PCDHGA12: variants seen among roughly 807,000 people sequenced by gnomAD.
The protein encoded by PCDHGA12 is protocadherin gamma-A12.
PCDHGA12 carries 43 observed loss-of-function variants against 61.1 expected under a neutral mutation model. That is an observed-to-expected ratio of 0.70 (90% CI 0.55 to 0.91). The LOEUF is 0.91. Ranked by LOEUF, PCDHGA12 falls within the 40% of genes least tolerant of loss-of-function variation. PCDHGA12 has a pLI of 0.00. For missense variants in PCDHGA12, 1,236 were observed against 1,227.7 expected (o/e 1.01, Z -0.10); for synonymous variants, 520 against 542.9 (o/e 0.96, Z 0.59).
chr5:141,438,651 CAT>C (rs2098045358), intron 1 of PCDHGA12, among the ~76,000 whole-genome samples: 1 of 83,744 alleles, frequency 1.2e-5, no homozygotes, highest in East Asian at 3.2e-4. Context: ...CACACACACA[CAT>C]ATATGTATAT....
intron 2 of PCDHGA12, among the ~76,000 whole-genome samples, chr5:141,497,962 G>A (rs2099780751): frequency 6.6e-6 from 1 of 152,236 alleles, no homozygotes; most frequent in African/African-American, 2.4e-5. Context: ...TGGCCAGGCA[G>A]TGTTCTCGAT....
chr5:141,439,636 G>A (rs114401133), intron 1 of PCDHGA12, among the ~76,000 whole-genome samples: 27 of 152,206 alleles, frequency 1.8e-4, no homozygotes, highest in Non-Finnish European at 2.9e-4. Context: ...CAGACATTCC[G>A]GCTTGGTGGC....
At position 141,490,807 on chromosome 5, in the gene PCDHGA12, G is replaced by T. The variant is rs1315856354; in HGVS notation, c.2425-4000G>T. Reference sequence around the variant, plus strand: ...ACGGATCTTTGCCCAGCGTACCTTTGACTATGAATTGCTGCAGATGCTGCA... The same window carrying T: ...ACGGATCTTTGCCCAGCGTACCTTTTACTATGAATTGCTGCAGATGCTGCA... On this transcript the variant is annotated intron_variant, in intron 1 of 3. Transcript: ENST00000252085. This position sits in a 1 kb window ranked among gnomAD's most constrained non-coding sequence, Gnocchi z 5.4. 6.2e-7 allele frequency: 1 copy of T among 1,613,924 alleles called. No individual in the cohort carries two copies. The highest frequency in any genetic ancestry group is 8.5e-7 in the Non-Finnish European group (1 of 1,179,870).
At chr5:141,465,742 A>G (rs1425097489) in intron 1 of PCDHGA12, among the ~76,000 whole-genome samples, 1 of 151,214 alleles carries the variant, frequency 6.6e-6, no homozygotes, top group Non-Finnish European at 1.5e-5. Flanking sequence ...TGTTTTCAGG[A>G]TCAGACTGGT....
intron 1 of PCDHGA12, among the ~76,000 whole-genome samples, chr5:141,438,340 G>A (rs1348587719): frequency 6.6e-6 from 1 of 151,522 alleles, no homozygotes; most frequent in Non-Finnish European, 1.5e-5. Flanking sequence ...TGTCATATAA[G>A]GATCTACTCT....
Position 141,489,653 on chromosome 5 carries a change from G to A in PCDHGA12, c.2425-5154G>A, listed in dbSNP as rs752269910. 2.0e-5 allele frequency: 33 copies of A among 1,614,164 alleles called. No individual in the cohort carries two copies. In the East Asian group the frequency reaches 4.9e-4, roughly 24 times the overall value. ...TCTCCTAGCTTTGCCACCCCTGAGC[G>A]AGAGATGCGCATCTCAGAATCAGCA... On this transcript the variant is annotated intron_variant, in intron 1 of 3. Transcript: ENST00000252085. This position sits in a 1 kb window ranked among gnomAD's most constrained non-coding sequence, Gnocchi z 4.5.
At chr5:141,459,442 A>G (rs2098968073) in intron 1 of PCDHGA12, among the ~76,000 whole-genome samples, 1 of 152,198 alleles carries the variant, frequency 6.6e-6, no homozygotes, top group South Asian at 2.1e-4. Context: ...CATTCATTCA[A>G]CTGTTGGTGG....
At chr5:141,444,255 T>G (rs764607115) in intron 1 of PCDHGA12, among the ~76,000 whole-genome samples, 8 of 130,834 alleles carry the variant, frequency 6.1e-5, no homozygotes, top group Non-Finnish European at 1.2e-4. Context: ...CACTGCAACC[T>G]CCGCCTCCCA....
In PCDHGA12 at chr5:141,491,425, C is replaced by CA; in HGVS notation, c.2425-3381dup. The CA allele has an allele frequency of 6.2e-7, 1 of 1,614,076 alleles. No homozygotes were observed. The highest frequency in any genetic ancestry group is 8.5e-7 in the Non-Finnish European group (1 of 1,179,996). On this transcript the variant is annotated intron_variant, in intron 1 of 3. Coordinates refer to ENST00000252085, the MANE Select transcript of PCDHGA12 (RefSeq NM_003735.3). The surrounding 1 kb of genome is among the most constrained non-coding windows in gnomAD (Gnocchi z 6.9). ...CGCAGACGGGGACGGGGGTGGAGGG[C>CA]AGTGCTGCAGGCGCCAGGACTCACC...
chr5:141,485,899 C>A lies in PCDHGA12; in HGVS notation c.2425-8908C>A, dbSNP rs775312856. 12 of 1,614,166 alleles carry A rather than the reference C, an allele frequency of 7.4e-6. No individual in the cohort carries two copies. The highest frequency in any genetic ancestry group is 8.5e-6 in the Non-Finnish European group (10 of 1,180,032). On this transcript the variant is annotated intron_variant, in intron 1 of 3. Coordinates refer to ENST00000252085, the MANE Select transcript of PCDHGA12 (RefSeq NM_003735.3). The surrounding 1 kb of genome is among the most constrained non-coding windows in gnomAD (Gnocchi z 5.7). ...ACGTAAACGACAACGCCCCAGCCTT[C>A]CAGCAATCCAGCTACAGGATTAGTG...
chr5:141,473,116 G>A (rs966472502), intron 1 of PCDHGA12, among the ~76,000 whole-genome samples: 19 of 152,114 alleles, frequency 1.2e-4, no homozygotes, highest in African/African-American at 4.6e-4. Context: ...ACTTTACTTG[G>A]CTCTTTGGCA....
chr5:141,481,260 A>C (rs2099534771), intron 1 of PCDHGA12, among the ~76,000 whole-genome samples: 1 of 152,166 alleles, frequency 6.6e-6, no homozygotes, highest in Non-Finnish European at 1.5e-5. Context: ...CTAAAAGATC[A>C]CTGTAGGAAG....
intron 1 of PCDHGA12, among the ~76,000 whole-genome samples, chr5:141,445,668 G>C (rs899062385): frequency 6.6e-6 from 1 of 152,156 alleles, no homozygotes; most frequent in Non-Finnish European, 1.5e-5. Flanking sequence ...ATGAGTAGAA[G>C]TTATCTAGGT....
chr5:141,475,705 A>G (rs2099367264), intron 1 of PCDHGA12, among the ~76,000 whole-genome samples: 1 of 152,246 alleles, frequency 6.6e-6, no homozygotes. Flanking sequence ...CAGAACGGCT[A>G]GCCTCACAGC....
In PCDHGA12 at chr5:141,511,223, A is replaced by G. The variant is rs1193308928; in HGVS notation, c.*50A>G. On this transcript the variant is annotated 3_prime_UTR_variant, in exon 4 of 4. Transcript: ENST00000252085. ...AGGGCGGCCTCTCCCCAACCAGCCC[A>G]GCTTCTCCTTACCTGCACCCAGGCC... 1 of 1,604,390 alleles carries G rather than the reference A, an allele frequency of 6.2e-7. No individual in the cohort carries two copies.
In PCDHGA12 at chr5:141,486,432, G is replaced by T; in HGVS notation, c.2425-8375G>T. On this transcript the variant is annotated intron_variant, in intron 1 of 3. Coordinates refer to ENST00000252085, the MANE Select transcript of PCDHGA12 (RefSeq NM_003735.3). This position sits in a 1 kb window ranked among gnomAD's most constrained non-coding sequence, Gnocchi z 5.0. ...CCCTTGGATCGAGAGGCCAAATCTA[G>T]CTATGACATCATGGTCACTGCTTCT... 4 of 1,614,172 alleles carry T rather than the reference G, an allele frequency of 2.5e-6. No homozygotes were observed. Among genetic ancestry groups the T allele is most frequent in the Non-Finnish European group, 2.5e-6 (3 of 1,180,020 alleles).
In PCDHGA12 at chr5:141,434,915, T is replaced by A. The variant is rs1301814716; in HGVS notation, c.2424+1732T>A. Among the ~76,000 whole-genome samples, 3 of 151,830 alleles carry A rather than the reference T, an allele frequency of 2.0e-5. No homozygotes were observed. The East Asian group carries it at 5.8e-4, about 29-fold the overall frequency. ...GTCCCCTTCCCTCATACCTTATTTATGTACATATATTTTATATAATAGATA... is the reference window on the plus strand; with the variant it reads ...GTCCCCTTCCCTCATACCTTATTTAAGTACATATATTTTATATAATAGATA... On this transcript the variant is annotated intron_variant, in intron 1 of 3. Transcript: ENST00000252085.
chr5:141,443,223 A>G (rs2098374731), intron 1 of PCDHGA12, among the ~76,000 whole-genome samples: 1 of 152,044 alleles, frequency 6.6e-6, no homozygotes, highest in African/African-American at 2.4e-5. Flanking sequence ...AGGCGCATCT[A>G]TAATCTTAGC....
intron 3 of PCDHGA12, among the ~76,000 whole-genome samples, chr5:141,510,117 T>C (rs1205620535): frequency 6.6e-6 from 1 of 151,908 alleles, no homozygotes; most frequent in East Asian, 1.9e-4. Context: ...TGTTTTGAAA[T>C]ACAAAAATTA....
Sources: allele counts gnomAD v4.1 joint callset (sites outside exome capture counted in the v4.1 genomes callset), GRCh38; gene constraint gnomAD v4.1.1; non-coding constraint Gnocchi (gnomAD v3.1); transcripts MANE v1.5; gene names NCBI Gene and HGNC (gene_info 2026-07-23, HGNC 2026-07-21).